ULK4: variants seen among roughly 807,000 people sequenced by gnomAD.
ULK4 encodes unc-51 like kinase 4.
In ULK4, 133 loss-of-function variants were observed where a neutral mutation model predicts 160.6. The ratio of observed to expected loss-of-function variants is 0.83; its 90% CI spans 0.72 to 0.96. The LOEUF (loss-of-function observed/expected upper bound fraction) is 0.96. Among genes scored for constraint, ULK4 ranks in the 40% least tolerant of loss-of-function variants. The probability of loss-of-function intolerance (pLI) is 0.00; values close to 1 mark genes in which losing one functional copy is unlikely to be tolerated. For synonymous variants in ULK4, 534 were observed against 539.8 expected, an observed-to-expected ratio of 0.99 and a Z score of 0.15; for missense variants, 1,580 against 1,499.5, an observed-to-expected ratio of 1.05 and a Z score of -0.89.
chr3:41,563,981 TC>T (rs376613400), intron 32 of ULK4, among the ~76,000 whole-genome samples: 1 of 152,230 alleles, frequency 6.6e-6, no homozygotes, highest in African/African-American at 2.4e-5. Flanking sequence ...CTCTGGTTTC[TC>T]CCCATCTTTG....
At chr3:41,474,420 G>C (rs2084081187) in intron 32 of ULK4, among the ~76,000 whole-genome samples, 2 of 152,034 alleles carry the variant, frequency 1.3e-5, no homozygotes, top group African/African-American at 4.8e-5. Context: ...AGAAAACACA[G>C]AGGGGAAAAA....
At chr3:41,927,218 C>G (rs553716778) in intron 5 of ULK4, among the ~76,000 whole-genome samples, 1 of 152,282 alleles carries the variant, frequency 6.6e-6, no homozygotes, top group African/African-American at 2.4e-5. Context: ...AAAGAATTTT[C>G]AACCCAGAAT....
intron 18 of ULK4, among the ~76,000 whole-genome samples, chr3:41,821,320 A>AG (rs1559579224): frequency 6.6e-6 from 1 of 151,104 alleles, no homozygotes; most frequent in Non-Finnish European, 1.5e-5. Flanking sequence ...CAGCATCCTC[A>AG]GGGGACCTTC....
At position 41,643,062 on chromosome 3, in the gene ULK4, T is replaced by A. The variant is rs949499346; in HGVS notation, c.3071+20545A>T. On this transcript the variant is annotated intron_variant, in intron 30 of 36. Coordinates refer to ENST00000301831, the MANE Select transcript of ULK4 (RefSeq NM_017886.4). ...TGTTTGTTTTTTTCTTGTACATTTCTTTGAGTTCATTGTAGATTCTGGATA... is the reference window on the plus strand; with the variant it reads ...TGTTTGTTTTTTTCTTGTACATTTCATTGAGTTCATTGTAGATTCTGGATA... Among the ~76,000 whole-genome samples, 3 of 152,308 alleles carry A rather than the reference T, an allele frequency of 2.0e-5. No individual in the cohort carries two copies. The Middle Eastern group carries it at 0.01, about 518-fold the overall frequency.
Position 41,931,848 on chromosome 3 carries a change from G to A in ULK4, c.537C>T (p.Val179=), listed in dbSNP as rs1452286692. 5 of 1,613,802 alleles carry A rather than the reference G, an allele frequency of 3.1e-6. No homozygotes were observed. The African/African-American group carries it at 6.7e-5, about 22-fold the overall frequency. The change falls in exon 5 of 37, where the codon GTC becomes GTT. Residue 179 remains valine (V), a synonymous_variant. Coordinates refer to ENST00000301831, the MANE Select transcript of ULK4 (RefSeq NM_017886.4). Reference sequence around the variant, plus strand: ...AAGCTTTCCAGGTCCACATACCTTTGACTCTACTTTTCATGCTTTTCTTCA... The same window carrying A: ...AAGCTTTCCAGGTCCACATACCTTTAACTCTACTTTTCATGCTTTTCTTCA... ...NVLKKSMKSR[V]KGSPVYTAPE...
intron 23 of ULK4, among the ~76,000 whole-genome samples, chr3:41,716,069 T>C (rs1451111210): frequency 6.6e-6 from 1 of 151,110 alleles, no homozygotes; most frequent in Non-Finnish European, 1.5e-5. Flanking sequence ...AAAATTAGCC[T>C]GGGCATGATG....
rs553964988 is a variant in ULK4 at position 41,662,641 on chromosome 3, A to C, written c.3071+966T>G. On this transcript the variant is annotated intron_variant, in intron 30 of 36. Coordinates refer to ENST00000301831, the MANE Select transcript of ULK4 (RefSeq NM_017886.4). ...GGCTATGTGATTTAGTTATTTGCTA[A>C]AGACCAACTGGTAGGTCTGGAGATG... Among the ~76,000 whole-genome samples the C allele has an allele frequency of 2.6e-5, 4 of 152,282 alleles. No individual in the cohort carries two copies. The South Asian group carries it at 8.3e-4, about 32-fold the overall frequency.
intron 12 of ULK4, among the ~76,000 whole-genome samples, chr3:41,903,297 G>A (rs924973264): frequency 7.2e-5 from 11 of 152,066 alleles, no homozygotes; most frequent in African/African-American, 2.7e-4. Context: ...AATAACGTAA[G>A]AATTAGGCCA....
chr3:41,572,832 C>T (rs563642296), intron 31 of ULK4, among the ~76,000 whole-genome samples: 12 of 150,088 alleles, frequency 8.0e-5, no homozygotes, highest in East Asian at 2.0e-4. Flanking sequence ...TTACAGGAAA[C>T]GAAAGAATGA....
chr3:41,433,388 G>A (rs1377372549), intron 34 of ULK4, among the ~76,000 whole-genome samples: 1 of 152,154 alleles, frequency 6.6e-6, no homozygotes, highest in East Asian at 1.9e-4. Context: ...ATGAAAACTG[G>A]TCCTCTAGCT....
intron 27 of ULK4, among the ~76,000 whole-genome samples, chr3:41,690,473 G>GAA (rs202195091): frequency 2.0e-5 from 3 of 147,034 alleles, no homozygotes; most frequent in African/African-American, 7.4e-5. Context: ...TTTTAAAAAA[G>GAA]AAAAAAAAAA....
intron 4 of ULK4, among the ~76,000 whole-genome samples, chr3:41,933,961 C>T (rs1027714925): frequency 3.3e-5 from 5 of 152,092 alleles, no homozygotes; most frequent in African/African-American, 1.2e-4. Flanking sequence ...TCGCTTGAAC[C>T]TGGCATGCTG....
At chr3:41,365,987 A>T (rs1477007009) in intron 35 of ULK4, among the ~76,000 whole-genome samples, 2 of 152,208 alleles carry the variant, frequency 1.3e-5, no homozygotes, top group Admixed American at 1.3e-4. Flanking sequence ...TTCCTCAACA[A>T]AGGGTGATCT....
chr3:41,288,601 T>C (rs914992415), intron 35 of ULK4, among the ~76,000 whole-genome samples: 2 of 152,220 alleles, frequency 1.3e-5, no homozygotes, highest in Non-Finnish European at 1.5e-5. Context: ...CCAGGCAGGC[T>C]TTGAAACCCT....
intron 35 of ULK4, among the ~76,000 whole-genome samples, chr3:41,334,416 C>G (rs1278092051): frequency 6.6e-6 from 1 of 152,166 alleles, no homozygotes; most frequent in Non-Finnish European, 1.5e-5. Flanking sequence ...TCCTAGGATT[C>G]TTCCAGCTCT....
In ULK4 at chr3:41,476,565, T is replaced by C. The variant is rs76030245; in HGVS notation, c.3227-13312A>G. On this transcript the variant is annotated intron_variant, in intron 32 of 36. Transcript: ENST00000301831. The stretch of plus-strand genomic sequence containing the variant: ...TCCACGAAGAAGGCTTGTAACAATA[T>C]GGCATAGCCAGAGGCCTGACCCCTG... Among the ~76,000 whole-genome samples the C allele has an allele frequency of 5.7e-3, 873 of 152,208 alleles. 8 individuals carry two copies. The highest frequency in any genetic ancestry group is 9.2e-3 in the Admixed American group (141 of 15,296).
intron 17 of ULK4, among the ~76,000 whole-genome samples, chr3:41,845,127 G>A (rs908197216): frequency 5.3e-5 from 8 of 152,004 alleles, no homozygotes; most frequent in Admixed American, 2.0e-4. Flanking sequence ...CACCACGCCC[G>A]GCTAATTTTT....
intron 30 of ULK4, among the ~76,000 whole-genome samples, chr3:41,661,537 T>C (rs7615564): frequency 0.088 from 13,406 of 151,608 alleles, 1,992 homozygotes; most frequent in African/African-American, 0.31. Flanking sequence ...GATAAATAGA[T>C]AGATAAATAG....
chr3:41,955,346 A>T (rs893600221), intron 1 of ULK4: 1 of 152,696 alleles, frequency 6.5e-6, no homozygotes, highest in Non-Finnish European at 1.5e-5. Context: ...AAGATGTTTT[A>T]AAAACACAGT....
Sources: allele counts gnomAD v4.1 joint callset (sites outside exome capture counted in the v4.1 genomes callset), GRCh38; gene constraint gnomAD v4.1.1; transcripts MANE v1.5; gene names NCBI Gene and HGNC (gene_info 2026-07-23, HGNC 2026-07-21).